The following IL4I1 variants were observed in gnomAD, a reference collection of about 807,000 sequenced individuals.
The protein encoded by IL4I1 is interleukin 4 induced 1.
Under a neutral mutation model 29.7 loss-of-function variants are expected in IL4I1, and 24 were observed. The observed-to-expected ratio is 0.81, with a 90% confidence interval of 0.59 to 1.14. The LOEUF (loss-of-function observed/expected upper bound fraction) is 1.14. Among genes scored for constraint, IL4I1 ranks in the 50% most tolerant of loss-of-function variants. The pLI is 0.00. For synonymous variants in IL4I1, 371 were observed against 352.5 expected, an observed-to-expected ratio of 1.05 and a Z score of -0.59; for missense variants, 686 against 785.6, an observed-to-expected ratio of 0.87 and a Z score of 1.52.
intron 2 of IL4I1, among the ~76,000 whole-genome samples, chr19:49,913,335 T>C (rs928360205): frequency 6.6e-6 from 1 of 152,192 alleles, no homozygotes; most frequent in Admixed American, 6.5e-5. Context: ...AGAATCTCTA[T>C]GTTCTTGAAA....
At chr19:49,918,904 G>C (rs1333494504) in intron 2 of IL4I1, among the ~76,000 whole-genome samples, 4 of 148,542 alleles carry the variant, frequency 2.7e-5, no homozygotes, top group Admixed American at 6.7e-5. Context: ...CTGGGGGGGG[G>C]GGGGCGGGGT....
At chr19:49,892,077 C>CTTTTTT (rs773013384) in intron 5 of IL4I1, among the ~76,000 whole-genome samples, 8 of 120,180 alleles carry the variant, frequency 6.7e-5, no homozygotes, top group Non-Finnish European at 8.5e-5. Flanking sequence ...CCCTCAATGT[C>CTTTTTT]TTTTTTTTTT....
chr19:49,922,594 G>A (rs57737990), intron 2 of IL4I1, among the ~76,000 whole-genome samples: 49,674 of 151,614 alleles, frequency 0.33, 8,496 homozygotes, highest in East Asian at 0.41. Context: ...GATGACAGCT[G>A]TGGGGAGGGG....
At chr19:49,896,306 T>C (rs1054323660) in intron 1 of IL4I1, 124 bp from the exon 2 acceptor site, 2 of 1,187,980 alleles carry the variant, frequency 1.7e-6, no homozygotes, top group Middle Eastern at 2.9e-4. Context: ...TCCTGCTCTC[T>C]GGACCTGTGT....
intron 2 of IL4I1, chr19:49,907,647 C>A: frequency 2.6e-6 from 1 of 379,556 alleles, no homozygotes; most frequent in South Asian, 2.0e-5. Context: ...ATTCTCCTGC[C>A]TCAGCCTCCC....
At position 49,896,877 on chromosome 19, in the gene IL4I1, TG is replaced by T; in HGVS notation, c.-66del. The T allele has an allele frequency of 2.0e-6, 2 of 985,600 alleles. No homozygotes were observed. Among genetic ancestry groups the T allele is most frequent in the Non-Finnish European group, 2.4e-6 (2 of 830,016 alleles). 61.1% of individuals were successfully genotyped at this position (985,600 alleles called of 1,614,324 possible). On this transcript the variant is annotated 5_prime_UTR_variant, in exon 1 of 8. Coordinates refer to ENST00000391826, the MANE Select transcript of IL4I1 (RefSeq NM_152899.2). Reference sequence around the variant, plus strand: ...AGCAGGACAGCGCGGTCCTCTCCACTGCCCTCCACTGTCTCTGCTGTGGCCC... The same window carrying T: ...AGCAGGACAGCGCGGTCCTCTCCACTCCCTCCACTGTCTCTGCTGTGGCCC...
upstream of IL4I1, among the ~76,000 whole-genome samples, chr19:49,899,416 G>A (rs1327783442): frequency 6.6e-6 from 1 of 152,094 alleles, no homozygotes; most frequent in Non-Finnish European, 1.5e-5. Flanking sequence ...ATGGGGTCTT[G>A]CTGTGTCACT....
At chr19:49,920,110 G>T (rs1045690399) in intron 2 of IL4I1, among the ~76,000 whole-genome samples, 1 of 151,476 alleles carries the variant, frequency 6.6e-6, no homozygotes, top group Admixed American at 6.6e-5. Context: ...TTGAGACGGA[G>T]TCTCACTCTG....
chr19:49,926,924 C>T (rs893124649), intron 2 of IL4I1, among the ~76,000 whole-genome samples: 34 of 150,586 alleles, frequency 2.3e-4, no homozygotes, highest in East Asian at 2.0e-4. Flanking sequence ...GGCACAATCT[C>T]GGCTTACTGC....
chr19:49,912,330 G>A (rs372176063), intron 2 of IL4I1, among the ~76,000 whole-genome samples: 388 of 152,082 alleles, frequency 2.6e-3, no homozygotes, highest in African/African-American at 6.4e-3. Context: ...CACCACGCCC[G>A]GCTAATTTTT....
intron 7 of IL4I1, 43 bp downstream of exon 7, chr19:49,890,928 T>TGGGGGGGGGGGG: frequency 1.4e-5 from 9 of 633,180 alleles, no homozygotes; most frequent in East Asian, 3.2e-5. Flanking sequence ...TTTCCCTGAT[T>TGGGGGGGGGGGG]GCCCCCCGCC....
rs540591413 is a variant in IL4I1, at chr19:49,923,457, G to A, written c.-228+4237C>T. Among the ~76,000 whole-genome samples the A allele has an allele frequency of 6.8e-4, 104 of 152,342 alleles. 2 individuals are homozygous for A. Among genetic ancestry groups the A allele is most frequent in the Middle Eastern group, 3.4e-3 (1 of 294 alleles). On this transcript the variant is annotated intron_variant, in intron 2 of 9. Transcript: ENST00000341114. The stretch of plus-strand genomic sequence containing the variant: ...TGAGGAGGGCCCTGACTTTGCCCTC[G>A]AAGCGTTCGGGGGAGCAGTCACGTA...
intron 3 of IL4I1, chr19:49,904,142 ATTT>A: frequency 6.6e-6 from 1 of 151,896 alleles, no homozygotes; most frequent in Non-Finnish European, 1.5e-5. Context: ...CCCAGCCCCC[ATTT>A]GCCACTCTTA....
At chr19:49,904,610 G>A (rs777362179) in intron 2 of IL4I1, among the ~76,000 whole-genome samples, 4 of 149,384 alleles carry the variant, frequency 2.7e-5, no homozygotes, top group East Asian at 2.0e-4. Context: ...GTGCAGTGGC[G>A]CGATCTTGGC....
intron 2 of IL4I1, among the ~76,000 whole-genome samples, chr19:49,922,806 G>C (rs780500373): frequency 2.6e-5 from 4 of 152,056 alleles, no homozygotes; most frequent in Non-Finnish European, 5.9e-5. Context: ...GTGCCTTTCA[G>C]GGGCCCAGGT....
At chr19:49,918,895 T>TGGGGGGG (rs56129490) in intron 2 of IL4I1, among the ~76,000 whole-genome samples, 63 of 72,318 alleles carry the variant, frequency 8.7e-4, no homozygotes, top group Admixed American at 1.4e-3. Context: ...TTTGGGAGGC[T>TGGGGGGG]GGGGGGGGGG....
intron 2 of IL4I1, among the ~76,000 whole-genome samples, chr19:49,919,083 G>A (rs2075700991): frequency 6.6e-6 from 1 of 151,834 alleles, no homozygotes; most frequent in South Asian, 2.1e-4. Flanking sequence ...AACCTGGGAG[G>A]CGGAGGTTGC....
chr19:49,893,679 TTA>T (rs1296481553), intron 5 of IL4I1, among the ~76,000 whole-genome samples: 3 of 151,682 alleles, frequency 2.0e-5, no homozygotes, highest in African/African-American at 7.3e-5. Flanking sequence ...TCAGCAGTGT[TTA>T]CGGGGAAGCT....
At chr19:49,897,691 C>T (rs2075228835), upstream of IL4I1, among the ~76,000 whole-genome samples, 1 of 150,740 alleles carries the variant, frequency 6.6e-6, no homozygotes, top group Non-Finnish European at 1.5e-5. Flanking sequence ...GTGCTCAGGG[C>T]AGGGAGTGGG....
Sources: allele counts gnomAD v4.1 joint callset (sites outside exome capture counted in the v4.1 genomes callset), GRCh38; gene constraint gnomAD v4.1.1; transcripts MANE v1.5; gene names NCBI Gene and HGNC (gene_info 2026-07-23, HGNC 2026-07-21).